The following DCC variants were observed in gnomAD, a reference collection of about 807,000 sequenced individuals.
The protein encoded by DCC is netrin receptor DCC.
DCC carries 58 observed loss-of-function variants against 172.5 expected under a neutral mutation model. The ratio of observed to expected loss-of-function variants is 0.34; its 90% CI spans 0.27 to 0.42. The LOEUF (loss-of-function observed/expected upper bound fraction) is 0.42, where lower values mean the gene tolerates loss of function less well. Ranked by LOEUF, DCC falls within the 10% of genes least tolerant of loss-of-function variation. The pLI, the probability that DCC is intolerant of heterozygous loss-of-function variation, is 1.00. For missense variants in DCC, 1,740 were observed against 1,791.0 expected, an observed-to-expected ratio of 0.97 and a Z score of 0.51; for synonymous variants, 709 against 644.5, an observed-to-expected ratio of 1.10 and a Z score of -1.52.
chr18:52,646,661 A>G (rs1463704279), intron 1 of DCC, among the ~76,000 whole-genome samples: 1 of 152,234 alleles, frequency 6.6e-6, no homozygotes, highest in Non-Finnish European at 1.5e-5. Context: ...ATTATAAAAG[A>G]TAAAGATGAA....
intron 25 of DCC, among the ~76,000 whole-genome samples, chr18:53,485,418 T>G (rs964915632): frequency 6.6e-6 from 1 of 152,108 alleles, no homozygotes; most frequent in African/African-American, 2.4e-5. Flanking sequence ...AATTGAAATA[T>G]CACTTAGATC....
chr18:53,205,144 T>C, intron 9 of DCC, 72 bp from the exon 10 acceptor site: 1 of 1,153,246 alleles, frequency 8.7e-7, no homozygotes, highest in Non-Finnish European at 1.3e-6. Context: ...AATGTAATTT[T>C]GTTTGTTTTG....
intron 7 of DCC, among the ~76,000 whole-genome samples, chr18:53,132,705 C>T (rs1402604304): frequency 6.6e-6 from 1 of 152,094 alleles, no homozygotes; most frequent in Non-Finnish European, 1.5e-5. Flanking sequence ...GGGTGTGCAC[C>T]TGTGGAGTAG....
chr18:52,785,881 CAACT>C lies in DCC; in HGVS notation c.412+33509_412+33512del, dbSNP rs139404345. ...CTAAGCATCCTTCTTTTTAAACAAC[CAACT>C]ATTATTTTTAGGACAAGTATTTACC... On this transcript the variant is annotated intron_variant, in intron 2 of 28. Coordinates refer to ENST00000442544, the MANE Select transcript of DCC (RefSeq NM_005215.4). Among the ~76,000 whole-genome samples the C allele has an allele frequency of 7.5e-3, 1,138 of 152,104 alleles. 15 individuals are homozygous for C. Among genetic ancestry groups the C allele is most frequent in the African/African-American group, 0.026 (1,067 of 41,510 alleles).
chr18:53,420,915 G>T lies in DCC; in HGVS notation c.3163+4759G>T, dbSNP rs139592881. On this transcript the variant is annotated intron_variant, in intron 21 of 28. Coordinates refer to ENST00000442544, the MANE Select transcript of DCC (RefSeq NM_005215.4). ...CCCAGGATCACAGAATTAGCTGTTG[G>T]CAGAGTTAGAACTCAAAACTTTTCT... 1.9e-3 allele frequency among the ~76,000 whole-genome samples: 295 copies of T among 152,224 alleles called. 1 individual carries two copies. Among genetic ancestry groups the T allele is most frequent in the Non-Finnish European group, 3.3e-3 (223 of 68,006 alleles).
chr18:53,475,758 G>A (rs1033678748), intron 25 of DCC, among the ~76,000 whole-genome samples: 32 of 152,274 alleles, frequency 2.1e-4, no homozygotes, highest in Non-Finnish European at 3.8e-4. Flanking sequence ...GTCCCTACTG[G>A]GTCACCATCT....
chr18:53,464,146 G>T (rs376047500), intron 24 of DCC, among the ~76,000 whole-genome samples: 11 of 152,224 alleles, frequency 7.2e-5, no homozygotes, highest in Non-Finnish European at 1.5e-4. Context: ...ATAAAGAAAC[G>T]AAAGAGTTCA....
chr18:52,870,054 T>A (rs2039294240), intron 2 of DCC, among the ~76,000 whole-genome samples: 1 of 151,950 alleles, frequency 6.6e-6, no homozygotes, highest in South Asian at 2.1e-4. Flanking sequence ...ACTGTTCCCC[T>A]GCCAGTGGGC....
intron 1 of DCC, among the ~76,000 whole-genome samples, chr18:52,389,178 C>T (rs1471196036): frequency 6.6e-6 from 1 of 152,028 alleles, no homozygotes; most frequent in Non-Finnish European, 1.5e-5. Context: ...GGCTTATAAC[C>T]AGAAGCCAGT....
chr18:52,903,318 C>T lies in DCC; in HGVS notation c.413-2726C>T, dbSNP rs537704831. ...CCTCTGGGCTCAAGTGATCCTCCCA[C>T]CTCAGCCTCCCGAGTAGCTGGGACC... On this transcript the variant is annotated intron_variant, in intron 2 of 28. Coordinates refer to ENST00000442544, the MANE Select transcript of DCC (RefSeq NM_005215.4). Among the ~76,000 whole-genome samples, 7 of 152,280 alleles carry T rather than the reference C, an allele frequency of 4.6e-5. No homozygotes were observed. In the South Asian group the frequency reaches 1.5e-3, roughly 32 times the overall value.
At chr18:52,424,994 A>G (rs185485873) in intron 1 of DCC, among the ~76,000 whole-genome samples, 40 of 151,978 alleles carry the variant, frequency 2.6e-4, no homozygotes, top group Middle Eastern at 3.4e-3. Flanking sequence ...CATAGATGGC[A>G]TACTGGTCAA....
intron 15 of DCC, among the ~76,000 whole-genome samples, chr18:53,370,998 G>T (rs2058055798): frequency 6.6e-6 from 1 of 151,816 alleles, no homozygotes; most frequent in Non-Finnish European, 1.5e-5. Flanking sequence ...CAGTGATACT[G>T]CTGTTAACAA....
intron 12 of DCC, among the ~76,000 whole-genome samples, chr18:53,256,812 A>G (rs2056523595): frequency 6.6e-6 from 1 of 152,150 alleles, no homozygotes; most frequent in South Asian, 2.1e-4. Context: ...CAGTATGGCC[A>G]TTTTTACAAT....
chr18:53,402,685 T>C (rs1909385246), intron 18 of DCC, 101 bp from the exon 19 acceptor site: 2 of 897,736 alleles, frequency 2.2e-6, no homozygotes, highest in Admixed American at 3.4e-5. Flanking sequence ...ATGATATACT[T>C]CTTGATAGAT....
chr18:52,811,567 CATTAA>C (rs1451176117), intron 2 of DCC, among the ~76,000 whole-genome samples: 7 of 151,728 alleles, frequency 4.6e-5, no homozygotes, highest in African/African-American at 1.7e-4. Flanking sequence ...AATTTTCATA[CATTAA>C]ATTGAGTAAC....
intron 2 of DCC, among the ~76,000 whole-genome samples, chr18:52,824,348 A>AGT (rs2038466636): frequency 6.6e-6 from 1 of 152,178 alleles, no homozygotes. Flanking sequence ...GAAAACATGA[A>AGT]GTGGTCTGTT....
intron 1 of DCC, among the ~76,000 whole-genome samples, chr18:52,641,462 C>T (rs1278739381): frequency 6.6e-6 from 1 of 152,104 alleles, no homozygotes; most frequent in Non-Finnish European, 1.5e-5. Flanking sequence ...ACTATCTATA[C>T]ATCTGACAAA....
intron 5 of DCC, among the ~76,000 whole-genome samples, chr18:52,990,535 C>T (rs1435903791): frequency 1.9e-5 from 1 of 53,598 alleles, no homozygotes; most frequent in Admixed American, 2.7e-4. Context: ...AGCAAAACTC[C>T]ATCCCAAAAA....
chr18:53,208,289 A>C (rs570425415), intron 11 of DCC, among the ~76,000 whole-genome samples: 26 of 151,624 alleles, frequency 1.7e-4, no homozygotes, highest in Admixed American at 1.7e-3. Flanking sequence ...TTAAATAAAT[A>C]TATATGTATA....
Sources: allele counts gnomAD v4.1 joint callset (sites outside exome capture counted in the v4.1 genomes callset), GRCh38; gene constraint gnomAD v4.1.1; transcripts MANE v1.5; gene names NCBI Gene and HGNC (gene_info 2026-07-23, HGNC 2026-07-21).